Variants in EMB observed in about 807,000 individuals in gnomAD.
EMB encodes the protein embigin.
In EMB, 31 loss-of-function variants were observed where a neutral mutation model predicts 41.4. The ratio of observed to expected loss-of-function variants is 0.75; its 90% CI spans 0.56 to 1.01. The LOEUF is 1.01. Among genes scored for constraint, EMB ranks in the 50% least tolerant of loss-of-function variants. The pLI, the probability that EMB is intolerant of heterozygous loss-of-function variation, is 0.00. For synonymous variants in EMB, 137 were observed against 140.4 expected (o/e 0.98, Z 0.17); for missense variants, 379 against 388.3 (o/e 0.98, Z 0.20).
intron 1 of EMB, chr5:50,428,871 ATTTAT>A (rs899977051): frequency 3.9e-6 from 1 of 256,486 alleles, no homozygotes; most frequent in South Asian, 1.4e-4. Context: ...AAGTTACTTT[ATTTAT>A]TTTATTTATT....
chr5:50,431,693 T>C (rs1745722943), intron 1 of EMB, among the ~76,000 whole-genome samples: 1 of 152,330 alleles, frequency 6.6e-6, no homozygotes, highest in East Asian at 1.9e-4. Context: ...ATTTCTCAAG[T>C]TATCAAACTC....
At chr5:50,435,621 C>T (rs1389085993) in intron 1 of EMB, among the ~76,000 whole-genome samples, 1 of 152,154 alleles carries the variant, frequency 6.6e-6, no homozygotes, top group African/African-American at 2.4e-5. Context: ...AGATGGCATA[C>T]CATTTTTTTG....
chr5:50,440,937 C>T (rs1309738154), intron 1 of EMB, 103 bp downstream of exon 1: 4 of 834,634 alleles, frequency 4.8e-6, no homozygotes, highest in Non-Finnish European at 6.6e-6. Context: ...CGCGCCTCTC[C>T]CCGCCACCCT....
At position 50,399,902 on chromosome 5, in the gene EMB, T is replaced by A. The variant is rs375719390; in HGVS notation, c.923A>T (p.Asp308Val). Residue 308 changes from aspartate to valine, a missense_variant, in exon 8 of 9, where the codon GAT becomes GTT. Transcript: ENST00000303221. ...FEQIEQLKSD[D>V]SNGIENNVPR... is the part of the protein sequence containing the mutation. ...GACATTATTTTCTATACCATTGCTA[T>A]CATCTGATTTCCTGCACAGAAAACA... is the stretch of plus-strand genomic sequence containing the variant. 4.4e-5 allele frequency: 70 copies of A among 1,603,702 alleles called. No individual in the cohort carries two copies. Among genetic ancestry groups the A allele is most frequent in the Non-Finnish European group, 5.7e-5 (67 of 1,175,586 alleles).
rs1579728393 is a variant in EMB at position 50,413,897 on chromosome 5, A to G, written c.197-2514T>C. ...TCAATAGACAAATTTTAAAAGGGAG[A>G]GAGATGTCTTTGTATCGGACGTCAG... On this transcript the variant is annotated intron_variant, in intron 2 of 8. Coordinates refer to ENST00000303221, the MANE Select transcript of EMB (RefSeq NM_198449.3). Among the ~76,000 whole-genome samples the G allele has an allele frequency of 2.0e-5, 3 of 152,088 alleles. No homozygotes were observed. In the South Asian group the frequency reaches 6.2e-4, roughly 32 times the overall value.
intron 1 of EMB, among the ~76,000 whole-genome samples, chr5:50,436,992 T>G (rs1160571875): frequency 6.6e-6 from 1 of 152,212 alleles, no homozygotes; most frequent in African/African-American, 2.4e-5. Context: ...AGGCTTAGGC[T>G]GGGCACCGTA....
At chr5:50,419,171 T>A (rs1472217638) in intron 2 of EMB, among the ~76,000 whole-genome samples, 1 of 152,216 alleles carries the variant, frequency 6.6e-6, no homozygotes, top group East Asian at 1.9e-4. Context: ...CTCCCCTCCA[T>A]GGCCAGTCCT....
intron 5 of EMB, among the ~76,000 whole-genome samples, chr5:50,404,792 T>A (rs1745222338): frequency 6.6e-6 from 1 of 151,948 alleles, no homozygotes; most frequent in African/African-American, 2.4e-5. Context: ...TCAGTCTGCA[T>A]CTATGGGATT....
intron 2 of EMB, among the ~76,000 whole-genome samples, chr5:50,421,202 T>G (rs1176546705): frequency 1.3e-5 from 2 of 152,116 alleles, no homozygotes; most frequent in Non-Finnish European, 2.9e-5. Flanking sequence ...GAACCCAATT[T>G]TAAGAAATGC....
intron 2 of EMB, among the ~76,000 whole-genome samples, chr5:50,424,015 G>C (rs1745568424): frequency 6.6e-6 from 1 of 152,014 alleles, no homozygotes; most frequent in African/African-American, 2.4e-5. Context: ...GTTTTCTTCA[G>C]GTTTTCAGTT....
intron 1 of EMB, among the ~76,000 whole-genome samples, chr5:50,437,255 AG>A (rs1470244152): frequency 6.6e-6 from 1 of 152,154 alleles, no homozygotes; most frequent in Admixed American, 6.5e-5. Flanking sequence ...TGAGTGACAG[AG>A]TGAGACCCTG....
intron 4 of EMB, among the ~76,000 whole-genome samples, chr5:50,406,884 T>C (rs1436707390): frequency 6.6e-6 from 1 of 151,970 alleles, no homozygotes; most frequent in Non-Finnish European, 1.5e-5. Context: ...GATTGGAGCT[T>C]GGCTAAAATA....
intron 1 of EMB, among the ~76,000 whole-genome samples, chr5:50,434,327 A>G (rs1745769690): frequency 6.6e-6 from 1 of 152,238 alleles, no homozygotes; most frequent in African/African-American, 2.4e-5. Context: ...CAATGTGATC[A>G]TTCTTAATAA....
intron 1 of EMB, 109 bp from the exon 2 acceptor site, chr5:50,428,336 G>C (rs1745656523): frequency 1.6e-6 from 2 of 1,244,676 alleles, no homozygotes; most frequent in Non-Finnish European, 2.2e-6. Context: ...ATGAAAAACT[G>C]TGTTTTCAGG....
At chr5:50,424,296 T>C (rs1745575158) in intron 2 of EMB, among the ~76,000 whole-genome samples, 1 of 152,228 alleles carries the variant, frequency 6.6e-6, no homozygotes, top group African/African-American at 2.4e-5. Context: ...CTGAAAATAA[T>C]GTTTAATATT....
intron 4 of EMB, among the ~76,000 whole-genome samples, chr5:50,410,097 G>A (rs1745309661): frequency 6.6e-6 from 1 of 152,014 alleles, no homozygotes; most frequent in Admixed American, 6.6e-5. Flanking sequence ...AGGAGTTTTA[G>A]GAAAAGTTAC....
chr5:50,434,914 G>A (rs932674153), intron 1 of EMB, among the ~76,000 whole-genome samples: 16 of 152,242 alleles, frequency 1.1e-4, no homozygotes, highest in African/African-American at 2.9e-4. Context: ...AATTTCTAAC[G>A]TTCACCTTAT....
intron 8 of EMB, 127 bp from the exon 9 acceptor site, chr5:50,399,417 C>A (rs763518976): frequency 4.5e-5 from 60 of 1,341,712 alleles, no homozygotes; most frequent in Non-Finnish European, 5.8e-5. Context: ...CAAAACAGAG[C>A]TCCTACTCTA....
chr5:50,443,283 C>T (rs1745945579), upstream of EMB: 1 of 152,202 alleles, frequency 6.6e-6, no homozygotes, highest in South Asian at 2.1e-4. Flanking sequence ...GGCAGAGGCA[C>T]ATTCACGGCT....
Sources: gnomAD v4.1 joint callset for allele counts (sites outside exome capture counted in the v4.1 genomes callset) on GRCh38, gnomAD v4.1.1 for gene constraint, MANE v1.5 for transcripts, NCBI Gene and HGNC (gene_info 2026-07-23, HGNC 2026-07-21) for gene names.